Variants in METTL15 observed in about 807,000 individuals in gnomAD.
The protein encoded by METTL15 is 12S rRNA N(4)-cytidine methyltransferase METTL15.
Under a neutral mutation model 38.3 loss-of-function variants are expected in METTL15, and 34 were observed. The ratio of observed to expected loss-of-function variants is 0.89; its 90% CI spans 0.68 to 1.18. The LOEUF (loss-of-function observed/expected upper bound fraction) is 1.18, where lower values mean the gene tolerates loss of function less well. Ranked by LOEUF, METTL15 falls within the 50% of genes most tolerant of loss-of-function variation. METTL15 has a pLI of 0.00. For synonymous variants in METTL15, 162 were observed against 170.9 expected (o/e 0.95, Z 0.41); for missense variants, 438 against 498.4 (o/e 0.88, Z 1.15).
At chr11:28,438,403 T>C (rs1333759262) in intron 6 of METTL15, among the ~76,000 whole-genome samples, 1 of 152,224 alleles carries the variant, frequency 6.6e-6, no homozygotes, top group Non-Finnish European at 1.5e-5. Context: ...GGTTGTCTGG[T>C]AGATCTTAAA....
intron 6 of METTL15, among the ~76,000 whole-genome samples, chr11:28,523,394 CAT>C (rs1851783807): frequency 6.6e-6 from 1 of 152,182 alleles, no homozygotes; most frequent in African/African-American, 2.4e-5. Flanking sequence ...TGACTTGAAA[CAT>C]ATGAACATCA....
At chr11:28,320,134 A>G (rs1046165105) in intron 6 of METTL15, among the ~76,000 whole-genome samples, 5 of 151,428 alleles carry the variant, frequency 3.3e-5, no homozygotes, top group African/African-American at 1.2e-4. Flanking sequence ...AGTCTATACA[A>G]TTTCTGGTAA....
Position 28,508,238 on chromosome 11 carries a change from T to C in METTL15, c.*425-18240T>C, listed in dbSNP as rs941932872. 3.3e-5 allele frequency among the ~76,000 whole-genome samples: 5 copies of C among 152,316 alleles called. No homozygotes were observed. The East Asian group carries it at 9.7e-4, about 29-fold the overall frequency. The stretch of plus-strand genomic sequence containing the variant: ...TGGAATGTTTTTTGGTCAGTTTTTG[T>C]TTTCTCCTTCCTGTCAGTAGTATGT... On this transcript the variant is annotated intron_variant and NMD_transcript_variant, in intron 6 of 7. Coordinates refer to the METTL15 transcript ENST00000532947.
At chr11:28,308,336 C>CT (rs1436628892) in intron 6 of METTL15, among the ~76,000 whole-genome samples, 2 of 152,026 alleles carry the variant, frequency 1.3e-5, no homozygotes, top group Admixed American at 1.3e-4. Context: ...TCTAGCCATA[C>CT]TTTTTTCCTC....
intron 3 of METTL15, among the ~76,000 whole-genome samples, chr11:28,127,887 T>G (rs1852563038): frequency 1.3e-5 from 2 of 152,130 alleles, no homozygotes; most frequent in South Asian, 4.1e-4. Flanking sequence ...ATTATTCATC[T>G]TTGGTACATT....
At chr11:28,238,263 T>C (rs1190943248) in intron 4 of METTL15, among the ~76,000 whole-genome samples, 1 of 152,170 alleles carries the variant, frequency 6.6e-6, no homozygotes, top group Non-Finnish European at 1.5e-5. Flanking sequence ...CTCCACCCAG[T>C]GCGAGCTTCC....
chr11:28,126,872 C>T (rs907725857), intron 3 of METTL15, among the ~76,000 whole-genome samples: 4 of 151,828 alleles, frequency 2.6e-5, no homozygotes, highest in Admixed American at 6.6e-5. Context: ...CTTAGATCTC[C>T]GAACAGGAGG....
chr11:28,388,583 T>C (rs1214772448), intron 5 of METTL15, among the ~76,000 whole-genome samples: 2 of 152,162 alleles, frequency 1.3e-5, no homozygotes, highest in African/African-American at 2.4e-5. Context: ...AAAGACATTC[T>C]GTGTTCATGG....
At chr11:28,312,954 C>A (rs145673153) in intron 6 of METTL15, among the ~76,000 whole-genome samples, 218 of 152,184 alleles carry the variant, frequency 1.4e-3, no homozygotes, top group African/African-American at 5.0e-3. Context: ...GAACACATTC[C>A]CACCATAGGA....
At chr11:28,265,453 G>T (rs1855375645) in intron 4 of METTL15, among the ~76,000 whole-genome samples, 1 of 151,818 alleles carries the variant, frequency 6.6e-6, no homozygotes. Flanking sequence ...CAGTCCTTAG[G>T]CCTTCTCTTT....
chr11:28,379,337 G>T (rs1463208482), intron 5 of METTL15, among the ~76,000 whole-genome samples: 1 of 151,896 alleles, frequency 6.6e-6, no homozygotes, highest in Non-Finnish European at 1.5e-5. Flanking sequence ...TTTGATATAG[G>T]TGTTTATTGC....
chr11:28,126,783 G>A (rs558600465), intron 3 of METTL15, among the ~76,000 whole-genome samples: 1 of 152,206 alleles, frequency 6.6e-6, no homozygotes, highest in South Asian at 2.1e-4. Flanking sequence ...TTACAATTTA[G>A]TGGTTGAAAT....
chr11:28,430,690 T>C (rs1338292839), intron 6 of METTL15, among the ~76,000 whole-genome samples: 1 of 98,722 alleles, frequency 1.0e-5, no homozygotes, highest in African/African-American at 4.0e-5. Context: ...GAAGAGCCCC[T>C]CTGCCCGGCC....
intron 4 of METTL15, among the ~76,000 whole-genome samples, chr11:28,354,090 C>T (rs1440490956): frequency 3.9e-5 from 6 of 152,148 alleles, no homozygotes; most frequent in Non-Finnish European, 8.8e-5. Context: ...GACTACAGAA[C>T]GTACCATTGG....
rs796151908 is a variant in METTL15 at position 28,368,128 on chromosome 11, CAAAAAAAAA to C, written c.*358+6098_*358+6106del. On this transcript the variant is annotated intron_variant and NMD_transcript_variant, in intron 5 of 7. Transcript: ENST00000532947. Reference sequence around the variant, plus strand: ...ATTAAACTAAAGAGCTTCTGCATAGCAAAAAAAAAAAAAACAAAAAAAACAAAAAAAAAA... The same window carrying C: ...ATTAAACTAAAGAGCTTCTGCATAGCAAAAACAAAAAAAACAAAAAAAAAA... Among the ~76,000 whole-genome samples, 12 of 32,590 alleles carry C rather than the reference CAAAAAAAAA, an allele frequency of 3.7e-4. No individual in the cohort carries two copies. In the South Asian group the frequency reaches 4.9e-3, roughly 13 times the overall value. 21.4% of individuals were successfully genotyped at this position (32,590 alleles called of 152,430 possible). A position where few individuals can be genotyped will look rare whatever the true frequency, so the allele number is the denominator to read the frequency against.
intron 3 of METTL15, among the ~76,000 whole-genome samples, chr11:28,127,238 A>G (rs1472764678): frequency 2.6e-5 from 4 of 152,164 alleles, no homozygotes; most frequent in African/African-American, 9.7e-5. Context: ...GAGTGGTAAT[A>G]GTTGAGACAT....
At chr11:28,315,726 C>T (rs903208760) in intron 6 of METTL15, among the ~76,000 whole-genome samples, 2 of 152,154 alleles carry the variant, frequency 1.3e-5, no homozygotes, top group African/African-American at 4.8e-5. Flanking sequence ...AGGCCCAAGG[C>T]CCCCCTGTTC....
chr11:28,318,432 T>C (rs1849346428), intron 6 of METTL15, among the ~76,000 whole-genome samples: 1 of 152,056 alleles, frequency 6.6e-6, no homozygotes, highest in South Asian at 2.1e-4. Flanking sequence ...TATTAATTGA[T>C]GTAAAGTACA....
intron 4 of METTL15, among the ~76,000 whole-genome samples, chr11:28,353,866 A>C (rs1427140988): frequency 6.8e-6 from 1 of 147,382 alleles, no homozygotes; most frequent in Non-Finnish European, 1.5e-5. Context: ...CGGAGCTTGC[A>C]GTGAGCCGAG....
Sources: allele counts gnomAD v4.1 joint callset (sites outside exome capture counted in the v4.1 genomes callset), GRCh38; gene constraint gnomAD v4.1.1; transcripts MANE v1.5; gene names NCBI Gene and HGNC (gene_info 2026-07-23, HGNC 2026-07-21).